Variants in ERC2 observed in about 807,000 individuals in gnomAD.
ERC2 encodes ERC protein 2.
ERC2 carries 42 observed loss-of-function variants against 114.8 expected under a neutral mutation model. The ratio of observed to expected loss-of-function variants is 0.37; its 90% CI spans 0.29 to 0.47. ERC2 has a LOEUF of 0.47. ERC2 is among the 20% of genes least tolerant of loss of function. The probability of loss-of-function intolerance (pLI) is 0.99; values close to 1 mark genes in which losing one functional copy is unlikely to be tolerated. For missense variants in ERC2, 939 were observed against 1,150.7 expected, an observed-to-expected ratio of 0.82 and a Z score of 2.66; for synonymous variants, 454 against 425.5, an observed-to-expected ratio of 1.07 and a Z score of -0.82.
chr3:55,903,754 C>T (rs1036271877), intron 13 of ERC2, among the ~76,000 whole-genome samples: 2 of 152,232 alleles, frequency 1.3e-5, no homozygotes, highest in Non-Finnish European at 2.9e-5. Flanking sequence ...CTTCAGATAA[C>T]TGTGTACGCA....
chr3:56,463,134 G>T (rs2063392218), intron 1 of ERC2, among the ~76,000 whole-genome samples: 1 of 152,164 alleles, frequency 6.6e-6, no homozygotes, highest in African/African-American at 2.4e-5. Flanking sequence ...AGACTGAGGT[G>T]GGAGAATCAC....
chr3:56,126,320 T>C (rs1295702896), intron 6 of ERC2, among the ~76,000 whole-genome samples: 1 of 152,220 alleles, frequency 6.6e-6, no homozygotes, highest in Non-Finnish European at 1.5e-5. Context: ...ATAGAGGTGA[T>C]ACATCATGTT....
intron 17 of ERC2, among the ~76,000 whole-genome samples, chr3:55,623,637 A>T (rs956560970): frequency 2.6e-5 from 4 of 152,030 alleles, no homozygotes; most frequent in African/African-American, 7.2e-5. Context: ...ATCTATTCCT[A>T]ACTGTCCTTC....
intron 14 of ERC2, among the ~76,000 whole-genome samples, chr3:55,807,158 G>A (rs1484193126): frequency 6.6e-6 from 1 of 152,182 alleles, no homozygotes; most frequent in Non-Finnish European, 1.5e-5. Context: ...TGGATTAAAT[G>A]AGATAACAAA....
intron 3 of ERC2, among the ~76,000 whole-genome samples, chr3:56,295,253 T>C (rs924092942): frequency 2.0e-5 from 3 of 152,236 alleles, no homozygotes; most frequent in African/African-American, 4.8e-5. Flanking sequence ...ACAGCAGTTT[T>C]GCCTGCATGA....
At chr3:56,276,810 A>T (rs1261356610) in intron 3 of ERC2, among the ~76,000 whole-genome samples, 2 of 152,134 alleles carry the variant, frequency 1.3e-5, no homozygotes, top group East Asian at 3.9e-4. Flanking sequence ...ACATATTAAC[A>T]CTAATGATAG....
intron 3 of ERC2, among the ~76,000 whole-genome samples, chr3:56,226,833 CT>C (rs2050276537): frequency 6.6e-6 from 1 of 152,178 alleles, no homozygotes; most frequent in Non-Finnish European, 1.5e-5. Context: ...TCCAAACTCC[CT>C]GGGCCTCTTA....
intron 7 of ERC2, among the ~76,000 whole-genome samples, chr3:56,047,126 C>A (rs1171714715): frequency 6.6e-6 from 1 of 152,180 alleles, no homozygotes; most frequent in Non-Finnish European, 1.5e-5. Flanking sequence ...TTTAAAGAAG[C>A]AATCTGCTTT....
At chr3:55,517,708 C>T (rs530421427) in intron 17 of ERC2, among the ~76,000 whole-genome samples, 6 of 152,300 alleles carry the variant, frequency 3.9e-5, no homozygotes, top group South Asian at 2.1e-4. Context: ...GAACCAGGCA[C>T]GAGTCGGCTG....
At chr3:56,275,746 C>T (rs979164177) in intron 3 of ERC2, among the ~76,000 whole-genome samples, 28 of 152,182 alleles carry the variant, frequency 1.8e-4, no homozygotes, top group African/African-American at 6.3e-4. Flanking sequence ...AGTAGCAAGA[C>T]TTTGAATCAG....
chr3:55,617,268 G>A (rs1363488130), intron 17 of ERC2, among the ~76,000 whole-genome samples: 2 of 152,156 alleles, frequency 1.3e-5, no homozygotes, highest in Non-Finnish European at 2.9e-5. Context: ...CACACCACAG[G>A]GGCAGCTAAC....
At chr3:56,457,128 A>G (rs1559527852) in intron 1 of ERC2, among the ~76,000 whole-genome samples, 1 of 152,208 alleles carries the variant, frequency 6.6e-6, no homozygotes. Context: ...TCCCTCGATT[A>G]ATCTAACAAA....
intron 13 of ERC2, among the ~76,000 whole-genome samples, chr3:55,926,271 A>T (rs903577609): frequency 6.6e-6 from 1 of 152,098 alleles, no homozygotes; most frequent in South Asian, 2.1e-4. Context: ...GAACAGCAAA[A>T]CGTCCAGAAG....
intron 2 of ERC2, among the ~76,000 whole-genome samples, chr3:56,389,589 G>A (rs2106823242): frequency 6.6e-6 from 1 of 152,318 alleles, no homozygotes; most frequent in South Asian, 2.1e-4. Context: ...CAGAACCAGG[G>A]AGGAGACCAG....
intron 17 of ERC2, among the ~76,000 whole-genome samples, chr3:55,674,526 T>C (rs1326345136): frequency 6.6e-6 from 1 of 152,138 alleles, no homozygotes; most frequent in Non-Finnish European, 1.5e-5. Context: ...GGAAAATGAA[T>C]TGGTGGCTGT....
chr3:56,263,300 A>C (rs2053068277), intron 3 of ERC2, among the ~76,000 whole-genome samples: 1 of 152,044 alleles, frequency 6.6e-6, no homozygotes, highest in Non-Finnish European at 1.5e-5. Context: ...CATGAAAAAA[A>C]AAAGTGTTTC....
At chr3:55,557,051 C>G (rs1347942446) in intron 17 of ERC2, among the ~76,000 whole-genome samples, 2 of 152,108 alleles carry the variant, frequency 1.3e-5, no homozygotes, top group African/African-American at 4.8e-5. Context: ...GTTTGAGTGA[C>G]TGTAATATAA....
intron 2 of ERC2, among the ~76,000 whole-genome samples, chr3:56,363,386 C>A (rs1198128431): frequency 6.6e-6 from 1 of 152,188 alleles, no homozygotes; most frequent in African/African-American, 2.4e-5. Flanking sequence ...TGGCACTAGA[C>A]ATGGTAGGAC....
At chr3:55,699,575 A>T in intron 15 of ERC2, 63 bp from the exon 16 acceptor site, 2 of 1,543,196 alleles carry the variant, frequency 1.3e-6, no homozygotes, top group Non-Finnish European at 1.8e-6. Flanking sequence ...AAAGAGATTC[A>T]GGGCATAATT....
Sources: allele counts gnomAD v4.1 joint callset (sites outside exome capture counted in the v4.1 genomes callset), GRCh38; gene constraint gnomAD v4.1.1; transcripts MANE v1.5; gene names NCBI Gene and HGNC (gene_info 2026-07-23, HGNC 2026-07-21).